INO80: variants seen among roughly 807,000 people sequenced by gnomAD.
The protein encoded by INO80 is INO80 complex ATPase subunit.
Under a neutral mutation model 203.4 loss-of-function variants are expected in INO80, and 20 were observed. The observed-to-expected ratio is 0.10, with a 90% CI of 0.07 to 0.14. The LOEUF (loss-of-function observed/expected upper bound fraction) is 0.14, where lower values mean the gene tolerates loss of function less well. Among genes scored for constraint, INO80 ranks in the 10% least tolerant of loss-of-function variants. The pLI, the probability that INO80 is intolerant of heterozygous loss-of-function variation, is 1.00. For missense variants in INO80, 1,419 were observed against 1,914.4 expected (o/e 0.74, Z 4.83); for synonymous variants, 726 against 685.2 (o/e 1.06, Z -0.93).
Position 41,058,570 on chromosome 15 carries a change from CGTGTGTGTGTGT to C in INO80, c.1985+57_1985+68del, listed in dbSNP as rs67053863. 1.7e-5 allele frequency: 9 copies of C among 543,766 alleles called. No individual in the cohort carries two copies. The Admixed American group carries it at 2.8e-4, about 17-fold the overall frequency. 33.7% of individuals were successfully genotyped at this position (543,766 alleles called of 1,614,324 possible). On this transcript the variant is annotated intron_variant, in intron 16 of 35. Coordinates refer to ENST00000648947, the MANE Select transcript of INO80 (RefSeq NM_017553.3). ...ACAAGTCTGTGTGTGTGTGTGTGTGCGTGTGTGTGTGTGTGTGTGTGTGTACTTAACCCAATG... is the reference window on the plus strand; with the variant it reads ...ACAAGTCTGTGTGTGTGTGTGTGTGCGTGTGTGTGTGTACTTAACCCAATG...
chr15:41,039,521 G>A (rs1184160740), intron 24 of INO80, among the ~76,000 whole-genome samples: 2 of 152,172 alleles, frequency 1.3e-5, no homozygotes, highest in Admixed American at 6.5e-5. Context: ...ACTGTGGTAT[G>A]CAGTAATATG....
chr15:41,038,819 A>G (rs542068587), intron 24 of INO80, among the ~76,000 whole-genome samples: 1 of 152,332 alleles, frequency 6.6e-6, no homozygotes, highest in African/African-American at 2.4e-5. Flanking sequence ...TAAAATACAA[A>G]TAACAAAGAT....
intron 14 of INO80, 67 bp from the exon 15 acceptor site, chr15:41,059,993 T>C (rs561066225): frequency 1.9e-6 from 2 of 1,074,250 alleles, no homozygotes; most frequent in Non-Finnish European, 2.8e-6. Context: ...AACAAATATA[T>C]AATTCGGAAC....
rs71104765 is a variant in INO80 at position 41,008,224 on chromosome 15, T to TACACACACACACACAC, written c.3403-2553_3403-2538dup. ...ATAAAGAATATGTGATATATATACA[T>TACACACACACACACAC]ACACACACACACACACACACACACA... is the stretch of plus-strand genomic sequence containing the variant. On this transcript the variant is annotated intron_variant, in intron 27 of 35. Coordinates refer to ENST00000648947, the MANE Select transcript of INO80 (RefSeq NM_017553.3). Among the ~76,000 whole-genome samples, 1,035 of 148,914 alleles carry TACACACACACACACAC rather than the reference T, an allele frequency of 7.0e-3. 18 individuals carry two copies. Among genetic ancestry groups the TACACACACACACACAC allele is most frequent in the African/African-American group, 0.024 (968 of 40,268 alleles).
chr15:41,096,352 G>A lies in INO80; in HGVS notation c.-42C>T, dbSNP rs199747651. Reference sequence around the variant, plus strand: ...CATGCACAAGGACCTCCGACTGCACGGCTGCAGAACAGAGATAAGAAGTGA... The same window carrying A: ...CATGCACAAGGACCTCCGACTGCACAGCTGCAGAACAGAGATAAGAAGTGA... On this transcript the variant is annotated splice_region_variant and 5_prime_UTR_variant, in exon 2 of 36. Transcript: ENST00000648947. 7.8e-5 allele frequency: 119 copies of A among 1,524,508 alleles called. No individual in the cohort carries two copies. Among genetic ancestry groups the A allele is most frequent in the Middle Eastern group, 1.8e-4 (1 of 5,660 alleles). 94.4% of individuals were successfully genotyped at this position (1,524,508 alleles called of 1,614,324 possible).
intron 16 of INO80, among the ~76,000 whole-genome samples, chr15:41,057,627 T>A (rs2045012592): frequency 6.6e-6 from 1 of 150,980 alleles, no homozygotes; most frequent in Non-Finnish European, 1.5e-5. Flanking sequence ...CAAAACCCCA[T>A]CTCTACTAAA....
chr15:41,057,807 A>AG (rs1277686722), intron 16 of INO80, among the ~76,000 whole-genome samples: 1 of 149,102 alleles, frequency 6.7e-6, no homozygotes, highest in East Asian at 1.9e-4. Context: ...CAAAAAAAAA[A>AG]AAAAAAAAAA....
chr15:41,039,699 T>C (rs752831364), intron 24 of INO80, among the ~76,000 whole-genome samples: 2 of 152,214 alleles, frequency 1.3e-5, no homozygotes, highest in African/African-American at 4.8e-5. Flanking sequence ...ACTTACGATA[T>C]ACAAATCCAT....
chr15:41,062,364 G>C (rs535166885), intron 14 of INO80, among the ~76,000 whole-genome samples: 3 of 152,138 alleles, frequency 2.0e-5, no homozygotes, highest in Non-Finnish European at 4.4e-5. Context: ...CACTCTGGGA[G>C]GCTGAGGCGG....
chr15:41,091,327 T>C lies in INO80; in HGVS notation c.537+700A>G, dbSNP rs545677624. On this transcript the variant is annotated intron_variant, in intron 5 of 35. Coordinates refer to ENST00000648947, the MANE Select transcript of INO80 (RefSeq NM_017553.3). ...TGCCCACTTCAGCCTCCCAAAGTGC[T>C]GGGATTACAGGCGTGAGCCACCGCA... Among the ~76,000 whole-genome samples the C allele has an allele frequency of 8.1e-4, 124 of 152,324 alleles. 2 individuals carry two copies. The South Asian group carries it at 0.025, about 31-fold the overall frequency.
intron 24 of INO80, among the ~76,000 whole-genome samples, chr15:41,030,800 G>A (rs1263444588): frequency 6.6e-6 from 1 of 151,910 alleles, no homozygotes; most frequent in Non-Finnish European, 1.5e-5. Context: ...TCAGCCTCCC[G>A]AGTAGCTGGG....
intron 5 of INO80, 93 bp downstream of exon 5, chr15:41,091,934 G>C (rs1174096413): frequency 9.3e-7 from 1 of 1,079,334 alleles, no homozygotes; most frequent in South Asian, 1.7e-5. Context: ...TTATAGGTGT[G>C]AGCCACCACG....
At position 41,072,027 on chromosome 15, in the gene INO80, C is replaced by T. The variant is rs1179726340; in HGVS notation, c.1427G>A (p.Ser476Asn). The change falls in exon 12 of 36, where the codon AGT (serine) becomes AAT (asparagine). Residue 476 changes from serine to asparagine, a missense_variant. Transcript: ENST00000648947. ...TGCTGCCCGTAGGGCAGCTGCTCGACTTTCTTTTGCATCTTCATCAAATGA... is the reference window on the plus strand; with the variant it reads ...TGCTGCCCGTAGGGCAGCTGCTCGATTTTCTTTTGCATCTTCATCAAATGA... The part of the protein sequence containing the change: ...TRSFDEDAKE[S>N]RAAALRAANK... 1 of 1,589,206 alleles carries T rather than the reference C, an allele frequency of 6.3e-7. No homozygotes were observed. The highest frequency in any genetic ancestry group is 1.8e-5 in the Admixed American group (1 of 55,760).
In INO80 at chr15:41,072,071, A is replaced by C. The variant is rs2140596891; in HGVS notation, c.1396-13T>G. ...CAAATGACCTTGTCTGGAAAGTAAA[A>C]AAAAAAAAAATTAGAAAAAAAAAAA... On this transcript the variant is annotated splice_polypyrimidine_tract_variant and intron_variant, in intron 11 of 35. Coordinates refer to ENST00000648947, the MANE Select transcript of INO80 (RefSeq NM_017553.3). 1 of 1,526,154 alleles carries C rather than the reference A, an allele frequency of 6.6e-7. No homozygotes were observed. The highest frequency in any genetic ancestry group is 1.2e-5 in the South Asian group (1 of 80,886). 94.5% of individuals were successfully genotyped at this position (1,526,154 alleles called of 1,614,324 possible).
At position 41,096,286 on chromosome 15, in the gene INO80, C is replaced by G. The variant is rs1215262705; in HGVS notation, c.25G>C (p.Asp9His). Residue 9 changes from aspartate (D) to histidine (H), a missense_variant, in exon 2 of 36, where the codon GAT (aspartate) becomes CAT (histidine). This residue lies in a region of INO80 where 323 missense variants were observed against 325.4 expected (regional missense o/e 0.99). Coordinates refer to ENST00000648947, the MANE Select transcript of INO80 (RefSeq NM_017553.3). MASELGAR[D>H]DGGCTELAKP... Reference sequence around the variant, plus strand: ...GCCAGCTCAGTGCAGCCTCCATCATCCCTGGCACCCAACTCCGAGGCCATA... The same window carrying G: ...GCCAGCTCAGTGCAGCCTCCATCATGCCTGGCACCCAACTCCGAGGCCATA... The G allele has an allele frequency of 6.2e-7, 1 of 1,600,926 alleles. No individual in the cohort carries two copies. The highest frequency in any genetic ancestry group is 8.5e-7 in the Non-Finnish European group (1 of 1,176,586).
At position 41,085,360 on chromosome 15, in the gene INO80, T is replaced by C; in HGVS notation, c.873+9A>G. 2 of 1,612,694 alleles carry C rather than the reference T, an allele frequency of 1.2e-6. No homozygotes were observed. The highest frequency in any genetic ancestry group is 8.5e-7 in the Non-Finnish European group (1 of 1,178,710). On this transcript the variant is annotated intron_variant, in intron 7 of 35. Coordinates refer to ENST00000648947, the MANE Select transcript of INO80 (RefSeq NM_017553.3). ...TCCTAATTTCCATCTCCTGGAGGCA[T>C]TCACTTACCTTTGGTAGTTCCTTTT...
chr15:41,029,403 T>G (rs2044426171), intron 24 of INO80, among the ~76,000 whole-genome samples: 1 of 152,236 alleles, frequency 6.6e-6, no homozygotes, highest in Admixed American at 6.5e-5. Flanking sequence ...CCTGAACCAA[T>G]CAGCATCTTC....
At chr15:41,011,870 T>C (rs1420751217) in intron 27 of INO80, 1 of 152,232 alleles carries the variant, frequency 6.6e-6, no homozygotes. Context: ...CAAATGTCAT[T>C]ATGTATGGAT....
chr15:41,079,155 A>G (rs2045447028), intron 9 of INO80, among the ~76,000 whole-genome samples: 1 of 152,026 alleles, frequency 6.6e-6, no homozygotes, highest in African/African-American at 2.4e-5. Context: ...AAAAATAAAT[A>G]AAACAGTACA....
Sources: gnomAD v4.1 joint callset for allele counts (sites outside exome capture counted in the v4.1 genomes callset) on GRCh38, gnomAD v4.1.1 for gene constraint, gnomAD v4.1.1 regional missense constraint, MANE v1.5 for transcripts, NCBI Gene and HGNC (gene_info 2026-07-23, HGNC 2026-07-21) for gene names.